Variants in NFAT5 observed in about 807,000 individuals in gnomAD.
The protein encoded by NFAT5 is nuclear factor of activated T cells 5.
Under a neutral mutation model 166.5 loss-of-function variants are expected in NFAT5, and 31 were observed. The observed-to-expected ratio is 0.19, with a 90% CI of 0.14 to 0.25. The LOEUF is 0.25. Among genes scored for constraint, NFAT5 ranks in the 10% least tolerant of loss-of-function variants. NFAT5 has a pLI of 1.00. For synonymous variants in NFAT5, 612 were observed against 639.7 expected, an observed-to-expected ratio of 0.96 and a Z score of 0.65; for missense variants, 1,449 against 1,821.8, an observed-to-expected ratio of 0.80 and a Z score of 3.72.
In NFAT5 at chr16:69,693,659, GCAGCAGCAACAA is replaced by G. The variant is rs749246961; in HGVS notation, c.3837_3848del (p.Gln1281_Gln1284del). On this transcript the variant is annotated inframe_deletion, in exon 13 of 15. Transcript: ENST00000349945. ...AGCAGCAGCAACAGCAGCAGCAACA[GCAGCAGCAACAA>G]CAACAGAGCATTTTATTCAGTAATC... The G allele has an allele frequency of 1.4e-5, 22 of 1,613,752 alleles. No individual in the cohort carries two copies. In the African/African-American group the frequency reaches 2.5e-4, roughly 19 times the overall value.
rs2034654311 is a variant in NFAT5 at position 69,630,262 on chromosome 16, G to A, written c.253+3734G>A. 2.0e-5 allele frequency among the ~76,000 whole-genome samples: 3 copies of A among 152,112 alleles called. No individual in the cohort carries two copies. In the South Asian group the frequency reaches 6.2e-4, roughly 32 times the overall value. On this transcript the variant is annotated intron_variant, in intron 3 of 14. Transcript: ENST00000349945. ...GGGATGGTCTCGAACGAACTCCTGG[G>A]CTCAGGTGATCCTCGAGGCTTGGCC... is the stretch of plus-strand genomic sequence containing the variant.
chr16:69,570,297 AG>A (rs1169829325), intron 2 of NFAT5, among the ~76,000 whole-genome samples: 8 of 152,266 alleles, frequency 5.3e-5, no homozygotes, highest in African/African-American at 1.7e-4. Flanking sequence ...GTCTTAAAAA[AG>A]TTGTTTGCTT....
chr16:69,642,328 C>A (rs1474502323), intron 3 of NFAT5, among the ~76,000 whole-genome samples: 1 of 152,084 alleles, frequency 6.6e-6, no homozygotes, highest in Non-Finnish European at 1.5e-5. Context: ...TAACTGGCTA[C>A]TGTTAATAGT....
rs752591607 is a variant in NFAT5, at chr16:69,701,768, T to A, written c.*5417T>A. On this transcript the variant is annotated 3_prime_UTR_variant, in exon 15 of 15. Coordinates refer to ENST00000349945, the MANE Select transcript of NFAT5 (RefSeq NM_138713.4). ...TAGATGGAAATAAATCACTAAAACA[T>A]AGTTTAGGTAAAGCCTGATTATGCC... is the stretch of plus-strand genomic sequence containing the variant. 2.6e-5 allele frequency: 4 copies of A among 152,208 alleles called. No homozygotes were observed. The highest frequency in any genetic ancestry group is 5.9e-5 in the Non-Finnish European group (4 of 68,032). 9.4% of individuals were successfully genotyped at this position (152,208 alleles called of 1,614,324 possible).
intron 2 of NFAT5, among the ~76,000 whole-genome samples, chr16:69,596,730 A>C (rs2032816894): frequency 6.6e-6 from 1 of 152,000 alleles, no homozygotes; most frequent in Non-Finnish European, 1.5e-5. Context: ...AAAAAAAAAA[A>C]AAAAAAAGTA....
chr16:69,568,563 A>G lies in NFAT5; in HGVS notation c.127+15A>G. On this transcript the variant is annotated intron_variant, in intron 2 of 14. Transcript: ENST00000349945. ...ACTATTGGAAGGTCAGCAAAGTACC[A>G]TTTTAAAGCATATTGTGTTAGTATG... is the stretch of plus-strand genomic sequence containing the variant. The G allele has an allele frequency of 6.2e-7, 1 of 1,605,684 alleles. No homozygotes were observed. Among genetic ancestry groups the G allele is most frequent in the Non-Finnish European group, 8.5e-7 (1 of 1,174,252 alleles).
At chr16:69,670,332 A>G (rs961064170) in intron 9 of NFAT5, 44 bp downstream of exon 9, 1 of 1,234,710 alleles carries the variant, frequency 8.1e-7, no homozygotes. Flanking sequence ...TTACTCTCTG[A>G]GCAATTCAGT....
chr16:69,648,264 A>G (rs1597466701), intron 4 of NFAT5: 8 of 984,872 alleles, frequency 8.1e-6, no homozygotes, highest in Non-Finnish European at 9.6e-6. Flanking sequence ...ACTAAGAGCT[A>G]TGTTCTCTTT....
At chr16:69,629,531 G>T (rs2034613424) in intron 3 of NFAT5, among the ~76,000 whole-genome samples, 1 of 152,048 alleles carries the variant, frequency 6.6e-6, no homozygotes. Context: ...GGGGAAAGGG[G>T]CTTATTTAGA....
intron 2 of NFAT5, among the ~76,000 whole-genome samples, chr16:69,585,199 T>TG (rs910700003): frequency 2.0e-5 from 3 of 151,738 alleles, no homozygotes; most frequent in Non-Finnish European, 4.4e-5. Context: ...TTAGTAGAGA[T>TG]GGGGTTTCAC....
intron 2 of NFAT5, among the ~76,000 whole-genome samples, chr16:69,574,978 CTTTTAT>C (rs2016658634): frequency 6.6e-6 from 1 of 151,662 alleles, no homozygotes; most frequent in African/African-American, 2.4e-5. Flanking sequence ...AGCCCATTCT[CTTTTAT>C]TTTTAACATT....
chr16:69,618,394 C>CTTT (rs1597408984), intron 2 of NFAT5, among the ~76,000 whole-genome samples: 1 of 152,278 alleles, frequency 6.6e-6, no homozygotes, highest in East Asian at 1.9e-4. Flanking sequence ...CAGAGCATTA[C>CTTT]CTACCAGTTA....
intron 3 of NFAT5, chr16:69,644,933 CATGCTGCATACTTGT>C (rs1022342713): frequency 1.5e-4 from 64 of 431,442 alleles, no homozygotes; most frequent in Admixed American, 1.8e-4. Context: ...GCAAATATTG[CATGCTGCATACTTGT>C]ATGCTGCATA....
intron 10 of NFAT5, among the ~76,000 whole-genome samples, chr16:69,678,424 A>G (rs968713530): frequency 2.0e-5 from 3 of 152,042 alleles, no homozygotes; most frequent in Non-Finnish European, 4.4e-5. Flanking sequence ...CATGTTAGCC[A>G]GGCTGGTCTC....
rs2151726266 is a variant in NFAT5 at position 69,695,170 on chromosome 16, A to G, written c.4449A>G (p.Thr1483=). The change falls in exon 14 of 15, where the codon ACA becomes ACG. Residue 1483 remains threonine, a synonymous_variant. Transcript: ENST00000349945. The stretch of plus-strand genomic sequence containing the variant: ...AGCTTTTAACCTCTGGACCAGCTAC[A>G]TTGCCTGATCAGTTGATGGCCATAA... ...CSQLLTSGPA[T]LPDQLMAISQ... is the part of the protein sequence containing the mutation. The G allele has an allele frequency of 1.2e-6, 2 of 1,614,236 alleles. No individual in the cohort carries two copies. Among genetic ancestry groups the G allele is most frequent in the East Asian group, 2.2e-5 (1 of 44,886 alleles).
Position 69,695,214 on chromosome 16 carries a change from A to G in NFAT5, c.4493A>G (p.Gln1498Arg). 3 of 1,614,172 alleles carry G rather than the reference A, an allele frequency of 1.9e-6. No individual in the cohort carries two copies. The highest frequency in any genetic ancestry group is 1.7e-6 in the Non-Finnish European group (2 of 1,180,020). The change falls in exon 14 of 15, where the codon CAA (glutamine) becomes CGA (arginine). Residue 1498 changes from glutamine to arginine, a missense_variant. Gln to Arg is a conservative substitution (Grantham distance 43, BLOSUM62 1). This residue lies in a region of NFAT5 where 891 missense variants were observed against 993.0 expected (regional missense o/e 0.90). Transcript: ENST00000349945. Reference sequence around the variant, plus strand: ...GCCATAAGTCAGCCAGGCCAACCACAAAACGAGGGCCAGCCACCTGTGACA... The same window carrying G: ...GCCATAAGTCAGCCAGGCCAACCACGAAACGAGGGCCAGCCACCTGTGACA... ...LMAISQPGQPQNEGQPPVTTL... is the reference protein window; with the variant it reads ...LMAISQPGQPRNEGQPPVTTL...
intron 2 of NFAT5, among the ~76,000 whole-genome samples, chr16:69,600,665 TAAAC>T (rs1225438855): frequency 7.3e-6 from 1 of 136,824 alleles, no homozygotes; most frequent in Non-Finnish European, 1.5e-5. Flanking sequence ...TGTGGAGAAA[TAAAC>T]AGTCATTTGC....
intron 2 of NFAT5, among the ~76,000 whole-genome samples, chr16:69,600,336 GA>G (rs905451327): frequency 1.3e-5 from 2 of 152,170 alleles, no homozygotes; most frequent in African/African-American, 2.4e-5. Flanking sequence ...GGTTGGAACA[GA>G]AGCCAAGTAG....
In NFAT5 at chr16:69,582,646, T is replaced by C. The variant is rs1476649264; in HGVS notation, c.127+14098T>C. On this transcript the variant is annotated intron_variant, in intron 2 of 14. Transcript: ENST00000349945. ...CCCCCATTGAATGGTCTTGGCACTC[T>C]TGTCAAAAATTAATTGGGCATAGAT... 2.6e-5 allele frequency among the ~76,000 whole-genome samples: 4 copies of C among 151,108 alleles called. No homozygotes were observed. The East Asian group carries it at 7.7e-4, about 29-fold the overall frequency.
Sources: gnomAD v4.1 joint callset for allele counts (sites outside exome capture counted in the v4.1 genomes callset) on GRCh38, gnomAD v4.1.1 for gene constraint, gnomAD v4.1.1 regional missense constraint, MANE v1.5 for transcripts, NCBI Gene and HGNC (gene_info 2026-07-23, HGNC 2026-07-21) for gene names.